Variants in COBL observed in about 807,000 individuals in gnomAD.
COBL encodes protein cordon-bleu.
Under a neutral mutation model 98.8 loss-of-function variants are expected in COBL, and 51 were observed. The observed-to-expected ratio is 0.52, with a 90% CI of 0.41 to 0.65. COBL has a LOEUF of 0.65. Among genes scored for constraint, COBL ranks in the 30% least tolerant of loss-of-function variants. The pLI is 0.00. For missense variants in COBL, 1,617 were observed against 1,617.5 expected (o/e 1.00, Z 0.01); for synonymous variants, 634 against 651.7 (o/e 0.97, Z 0.41).
chr7:51,313,211 A>C (rs998799616), intron 1 of COBL, among the ~76,000 whole-genome samples: 1 of 151,956 alleles, frequency 6.6e-6, no homozygotes, highest in African/African-American at 2.4e-5. Context: ...AAGGCCTAGA[A>C]ACCTAAGCTT....
chr7:51,192,571 A>G (rs184412402), intron 3 of COBL, among the ~76,000 whole-genome samples: 2 of 152,334 alleles, frequency 1.3e-5, no homozygotes, highest in Non-Finnish European at 2.9e-5. Flanking sequence ...ACACCACTGC[A>G]TTCCAGCCTG....
At chr7:51,283,792 T>C (rs578016543) in intron 1 of COBL, among the ~76,000 whole-genome samples, 2 of 152,212 alleles carry the variant, frequency 1.3e-5, no homozygotes, top group South Asian at 2.1e-4. Flanking sequence ...GCCAAATCTG[T>C]AGCTTAAGAA....
intron 1 of COBL, among the ~76,000 whole-genome samples, chr7:51,308,153 G>A (rs1802663977): frequency 6.6e-6 from 1 of 152,226 alleles, no homozygotes; most frequent in Non-Finnish European, 1.5e-5. Flanking sequence ...CAGCCTAACA[G>A]TTTGTGCATT....
chr7:51,091,825 A>C (rs1318153225), intron 6 of COBL, among the ~76,000 whole-genome samples: 1 of 151,924 alleles, frequency 6.6e-6, no homozygotes, highest in East Asian at 1.9e-4. Flanking sequence ...TATTATCAGT[A>C]GGTTTCTCAG....
intron 6 of COBL, among the ~76,000 whole-genome samples, chr7:51,114,340 A>G (rs922492601): frequency 1.3e-5 from 2 of 151,394 alleles, no homozygotes; most frequent in Non-Finnish European, 2.9e-5. Context: ...TACACGGTCA[A>G]ATTCTGAGGG....
At chr7:51,153,866 C>T (rs888547138) in intron 5 of COBL, among the ~76,000 whole-genome samples, 5 of 152,168 alleles carry the variant, frequency 3.3e-5, no homozygotes, top group Non-Finnish European at 5.9e-5. Flanking sequence ...GACTCCTTTG[C>T]AGCAATATAG....
At chr7:51,072,555 C>G (rs1792669373) in intron 7 of COBL, 1 of 152,240 alleles carries the variant, frequency 6.6e-6, no homozygotes. Flanking sequence ...TAGTAAAATC[C>G]AAGGCCAGAG....
intron 12 of COBL, among the ~76,000 whole-genome samples, chr7:51,022,083 G>C (rs913784702): frequency 2.0e-5 from 3 of 152,114 alleles, no homozygotes; most frequent in African/African-American, 7.2e-5. Flanking sequence ...AGCGTCAAGT[G>C]TAGGAAGGCT....
chr7:51,245,607 G>A (rs1182843619), intron 1 of COBL, among the ~76,000 whole-genome samples: 6 of 152,158 alleles, frequency 3.9e-5, no homozygotes, highest in Non-Finnish European at 8.8e-5. Flanking sequence ...TAGAAATACA[G>A]TTTCATTCAT....
chr7:51,123,087 C>T (rs750677111), intron 6 of COBL, among the ~76,000 whole-genome samples: 35 of 152,164 alleles, frequency 2.3e-4, no homozygotes, highest in Non-Finnish European at 1.8e-4. Flanking sequence ...TTTGTTGTCC[C>T]TATCAAGACT....
intron 8 of COBL, chr7:51,032,940 T>A (rs1378625508): frequency 6.6e-6 from 1 of 152,238 alleles, no homozygotes; most frequent in African/African-American, 2.4e-5. Flanking sequence ...GCTCTTAGTT[T>A]AGGATGCTTA....
chr7:51,186,770 G>C (rs73697825), intron 4 of COBL, among the ~76,000 whole-genome samples: 286 of 152,286 alleles, frequency 1.9e-3, no homozygotes, highest in African/African-American at 6.4e-3. Flanking sequence ...ACTGATAGGG[G>C]CCTCCTATGA....
At chr7:51,137,182 C>T (rs775895498) in intron 5 of COBL, among the ~76,000 whole-genome samples, 5 of 152,194 alleles carry the variant, frequency 3.3e-5, no homozygotes, top group Non-Finnish European at 7.3e-5. Context: ...ACCATGGACA[C>T]AGTCAACACT....
chr7:51,205,986 A>G (rs141088703), intron 2 of COBL, among the ~76,000 whole-genome samples: 11 of 152,312 alleles, frequency 7.2e-5, no homozygotes, highest in African/African-American at 2.6e-4. Flanking sequence ...CAAAACCACA[A>G]TATCACCTCA....
In COBL at chr7:51,316,661, G is replaced by A. The variant is rs1329579287; in HGVS notation, c.-28C>T. The A allele has an allele frequency of 1.4e-5, 17 of 1,191,726 alleles. No individual in the cohort carries two copies. Among genetic ancestry groups the A allele is most frequent in the South Asian group, 4.2e-5 (1 of 24,016 alleles). The allele number at this position is 1,191,726 out of a possible 1,614,324, so 73.8% of individuals were successfully genotyped here. ...TGCCGGGGGCCGGGACGCGGGCGGT[G>A]CTCCGGGCCCGCCGAGTCAGGCGCT... On this transcript the variant is annotated 5_prime_UTR_variant, in exon 1 of 13. Transcript: ENST00000265136.
At chr7:51,137,818 T>G (rs189543809) in intron 5 of COBL, among the ~76,000 whole-genome samples, 1 of 150,610 alleles carries the variant, frequency 6.6e-6, no homozygotes, top group Non-Finnish European at 1.5e-5. Flanking sequence ...AATAGACAGA[T>G]GACCCTCTGG....
chr7:51,144,544 A>G (rs1275535838), intron 5 of COBL, among the ~76,000 whole-genome samples: 1 of 152,242 alleles, frequency 6.6e-6, no homozygotes, highest in Admixed American at 6.5e-5. Flanking sequence ...AAATGTGTGT[A>G]ATAACATAAA....
chr7:51,053,717 C>A (rs1475123026), intron 7 of COBL, among the ~76,000 whole-genome samples: 1 of 152,236 alleles, frequency 6.6e-6, no homozygotes, highest in East Asian at 1.9e-4. Flanking sequence ...GAGGTGCCTC[C>A]CCACCTGGCA....
intron 5 of COBL, among the ~76,000 whole-genome samples, chr7:51,178,962 A>G (rs1236958144): frequency 1.3e-5 from 2 of 152,206 alleles, no homozygotes; most frequent in African/African-American, 2.4e-5. Context: ...ATCTTTGAAA[A>G]AAATCACTTT....
Sources: gnomAD v4.1 joint callset for allele counts (sites outside exome capture counted in the v4.1 genomes callset) on GRCh38, gnomAD v4.1.1 for gene constraint, MANE v1.5 for transcripts, NCBI Gene and HGNC (gene_info 2026-07-23, HGNC 2026-07-21) for gene names.